Variants in ZFHX3 observed in about 807,000 individuals in gnomAD.
ZFHX3 encodes the protein zinc finger homeobox protein 3.
Under a neutral mutation model 279.1 loss-of-function variants are expected in ZFHX3, and 42 were observed. That is an observed-to-expected ratio of 0.15 (90% CI 0.12 to 0.19). The LOEUF is 0.19. ZFHX3 is among the 10% of genes least tolerant of loss of function. ZFHX3 has a pLI of 1.00. For missense variants in ZFHX3, 4,981 were observed against 4,754.0 expected (o/e 1.05, Z -1.40); for synonymous variants, 2,293 against 1,957.8 (o/e 1.17, Z -4.52).
intron 1 of ZFHX3, among the ~76,000 whole-genome samples, chr16:73,888,875 T>A (rs183007664): frequency 6.6e-6 from 1 of 151,490 alleles, no homozygotes; most frequent in South Asian, 2.1e-4. Flanking sequence ...AGGATCCCTG[T>A]TCCCCCAACG....
chr16:73,735,817 G>A (rs1467324648), intron 1 of ZFHX3, among the ~76,000 whole-genome samples: 1 of 151,892 alleles, frequency 6.6e-6, no homozygotes, highest in Non-Finnish European at 1.5e-5. Context: ...TCTCTGTAGG[G>A]TTTTGAATTA....
At chr16:72,887,925 C>T (rs1243679346) in intron 4 of ZFHX3, among the ~76,000 whole-genome samples, 4 of 151,836 alleles carry the variant, frequency 2.6e-5, no homozygotes, top group South Asian at 4.2e-4. Context: ...GTGTGTGTGC[C>T]GTCTGCGTGA....
intron 1 of ZFHX3, among the ~76,000 whole-genome samples, chr16:73,688,118 A>C (rs1005715865): frequency 2.0e-5 from 3 of 151,964 alleles, no homozygotes; most frequent in African/African-American, 7.3e-5. Flanking sequence ...GCACTTTGGG[A>C]GGCTGAGGCA....
intron 2 of ZFHX3, among the ~76,000 whole-genome samples, chr16:73,599,357 A>T (rs2052087214): frequency 6.6e-6 from 1 of 152,228 alleles, no homozygotes; most frequent in Admixed American, 6.5e-5. Flanking sequence ...AGAAAAGTCA[A>T]TCTAAAACCA....
At chr16:73,771,598 T>A (rs926500014) in intron 1 of ZFHX3, among the ~76,000 whole-genome samples, 3 of 152,152 alleles carry the variant, frequency 2.0e-5, no homozygotes, top group Admixed American at 1.3e-4. Flanking sequence ...AGATTCTGGC[T>A]CTATCAGACC....
rs1965323022 is a variant in ZFHX3 at position 73,046,965 on chromosome 16, G to C, written c.-50+787C>G. 2.0e-5 allele frequency among the ~76,000 whole-genome samples: 3 copies of C among 152,164 alleles called. No homozygotes were observed. In the South Asian group the frequency reaches 6.2e-4, roughly 31 times the overall value. On this transcript the variant is annotated intron_variant, in intron 1 of 9. Coordinates refer to ENST00000268489, the MANE Select transcript of ZFHX3 (RefSeq NM_006885.4). ...CTTTCACTTAAGCCAGTTTAACACAGGAGGTACCACTGTGCCACGCAATTC... is the reference window on the plus strand; with the variant it reads ...CTTTCACTTAAGCCAGTTTAACACACGAGGTACCACTGTGCCACGCAATTC...
intron 4 of ZFHX3, among the ~76,000 whole-genome samples, chr16:73,300,264 T>TAAAAAAAAA (rs36110201): frequency 2.4e-5 from 3 of 124,054 alleles, no homozygotes; most frequent in Non-Finnish European, 4.9e-5. Context: ...CTCTGTCTCT[T>TAAAAAAAAA]AAAAAAAAAA....
At chr16:73,065,298 TC>T (rs950535413) in intron 8 of ZFHX3, among the ~76,000 whole-genome samples, 6 of 151,506 alleles carry the variant, frequency 4.0e-5, no homozygotes, top group Non-Finnish European at 8.8e-5. Context: ...GGCTGAACAA[TC>T]CCCCCACCCC....
chr16:73,645,478 C>A (rs563227251), intron 2 of ZFHX3, among the ~76,000 whole-genome samples: 4 of 152,152 alleles, frequency 2.6e-5, no homozygotes, highest in South Asian at 4.2e-4. Flanking sequence ...GGATGGTTTC[C>A]ATCTCCTGAC....
At chr16:73,463,192 T>C (rs1490448123) in intron 2 of ZFHX3, among the ~76,000 whole-genome samples, 1 of 152,256 alleles carries the variant, frequency 6.6e-6, no homozygotes, top group African/African-American at 2.4e-5. Flanking sequence ...AGTGGAATAA[T>C]AGTTAACATT....
chr16:73,664,222 G>A (rs1478768093), intron 2 of ZFHX3, among the ~76,000 whole-genome samples: 2 of 152,176 alleles, frequency 1.3e-5, no homozygotes, highest in Non-Finnish European at 2.9e-5. Context: ...ACCTTTTTCT[G>A]CACATCTAGA....
At chr16:73,636,701 G>C (rs1299825062) in intron 2 of ZFHX3, among the ~76,000 whole-genome samples, 3 of 152,098 alleles carry the variant, frequency 2.0e-5, no homozygotes, top group African/African-American at 7.2e-5. Context: ...TATTAAATGT[G>C]TTTCACCTAT....
intron 2 of ZFHX3, among the ~76,000 whole-genome samples, chr16:73,485,760 C>G (rs2018962724): frequency 6.6e-6 from 1 of 152,322 alleles, no homozygotes; most frequent in East Asian, 1.9e-4. Flanking sequence ...CTGCACACAT[C>G]CCTTGGGCTG....
rs139617134 is a variant in ZFHX3 at position 72,881,943 on chromosome 16, T to C, written c.3448+7788A>G. Among the ~76,000 whole-genome samples the C allele has an allele frequency of 4.1e-3, 620 of 152,288 alleles. 2 individuals are homozygous for C. The highest frequency in any genetic ancestry group is 7.2e-3 in the Non-Finnish European group (489 of 68,016). On this transcript the variant is annotated intron_variant, in intron 4 of 9. Transcript: ENST00000268489. Reference sequence around the variant, plus strand: ...TACACCTTTCGAAGGTGACTTGGGATGTTTCGAAATAAAGGTTTCACAGAA... The same window carrying C: ...TACACCTTTCGAAGGTGACTTGGGACGTTTCGAAATAAAGGTTTCACAGAA...
At chr16:73,039,383 A>AT (rs1192754357) in intron 1 of ZFHX3, among the ~76,000 whole-genome samples, 4 of 152,346 alleles carry the variant, frequency 2.6e-5, no homozygotes, top group African/African-American at 9.6e-5. Context: ...AGGTGTCTAA[A>AT]TGGGGGGAGT....
At chr16:72,939,516 C>T (rs1432291826) in intron 3 of ZFHX3, among the ~76,000 whole-genome samples, 1 of 152,230 alleles carries the variant, frequency 6.6e-6, no homozygotes, top group Non-Finnish European at 1.5e-5. Flanking sequence ...TGCAGTGACA[C>T]AGACTCGCTC....
At chr16:73,357,287 G>T (rs879766893) in intron 3 of ZFHX3, among the ~76,000 whole-genome samples, 4 of 151,908 alleles carry the variant, frequency 2.6e-5, no homozygotes, top group Non-Finnish European at 5.9e-5. Context: ...GCATCAGCAG[G>T]TTTGCATCTT....
chr16:73,298,742 G>C (rs4887774), intron 4 of ZFHX3, among the ~76,000 whole-genome samples: 40,226 of 152,028 alleles, frequency 0.26, 6,012 homozygotes, highest in East Asian at 0.49. Flanking sequence ...TGGGGGCAGG[G>C]AAGGGAGATG....
intron 6 of ZFHX3, chr16:73,143,742 T>G (rs1270109347): frequency 7.7e-7 from 1 of 1,305,106 alleles, no homozygotes; most frequent in Admixed American, 2.3e-5. Flanking sequence ...ACAAGAAAGC[T>G]GGAACTCACC....
Sources: allele counts gnomAD v4.1 joint callset (sites outside exome capture counted in the v4.1 genomes callset), GRCh38; gene constraint gnomAD v4.1.1; transcripts MANE v1.5; gene names NCBI Gene and HGNC (gene_info 2026-07-23, HGNC 2026-07-21).